Variants in MLLT3 observed in about 807,000 individuals in gnomAD.
MLLT3 encodes the protein MLLT3 super elongation complex subunit.
In MLLT3, 4 loss-of-function variants were observed where a neutral mutation model predicts 53.2. The observed-to-expected ratio is 0.08, with a 90% CI of 0.04 to 0.17. The LOEUF (loss-of-function observed/expected upper bound fraction) is 0.17, where lower values mean the gene tolerates loss of function less well. Among genes scored for constraint, MLLT3 ranks in the 10% least tolerant of loss-of-function variants. The probability of loss-of-function intolerance (pLI) is 1.00; values close to 1 mark genes in which losing one functional copy is unlikely to be tolerated. For synonymous variants in MLLT3, 283 were observed against 230.6 expected (o/e 1.23, Z -2.06); for missense variants, 569 against 684.0 (o/e 0.83, Z 1.87).
intron 5 of MLLT3, among the ~76,000 whole-genome samples, chr9:20,376,924 A>C (rs2118685044): frequency 6.6e-6 from 1 of 152,342 alleles, no homozygotes; most frequent in South Asian, 2.1e-4. Context: ...CTATAAACAC[A>C]GTACTATTTT....
At chr9:20,458,220 C>A (rs1824019488) in intron 2 of MLLT3, among the ~76,000 whole-genome samples, 1 of 152,206 alleles carries the variant, frequency 6.6e-6, no homozygotes, top group African/African-American at 2.4e-5. Flanking sequence ...TGAATCAGTA[C>A]CTTGACACTG....
At chr9:20,426,620 C>T (rs1273940360) in intron 4 of MLLT3, among the ~76,000 whole-genome samples, 1 of 152,026 alleles carries the variant, frequency 6.6e-6, no homozygotes, top group African/African-American at 2.4e-5. Context: ...TTTATGAGGT[C>T]TCCAGCATAC....
intron 5 of MLLT3, among the ~76,000 whole-genome samples, chr9:20,388,446 G>A (rs1194330182): frequency 6.6e-6 from 1 of 152,102 alleles, no homozygotes; most frequent in Admixed American, 6.6e-5. Flanking sequence ...AAATTAGACA[G>A]GCGTGGTGGT....
At chr9:20,469,291 T>C (rs1313272522) in intron 2 of MLLT3, among the ~76,000 whole-genome samples, 2 of 152,112 alleles carry the variant, frequency 1.3e-5, no homozygotes, top group Non-Finnish European at 2.9e-5. Context: ...ATGAGAAATA[T>C]CATGCCTTTA....
At chr9:20,531,280 C>T (rs1186035156) in intron 2 of MLLT3, among the ~76,000 whole-genome samples, 3 of 151,810 alleles carry the variant, frequency 2.0e-5, no homozygotes, top group South Asian at 4.2e-4. Flanking sequence ...TGATTACAGG[C>T]GTATGCCACC....
chr9:20,395,100 C>G (rs1198852468), intron 5 of MLLT3, among the ~76,000 whole-genome samples: 1 of 152,112 alleles, frequency 6.6e-6, no homozygotes, highest in Non-Finnish European at 1.5e-5. Context: ...ACAGATGGAG[C>G]AAATGAATTA....
intron 5 of MLLT3, among the ~76,000 whole-genome samples, chr9:20,368,387 T>C (rs577257700): frequency 1.5e-3 from 227 of 152,306 alleles, no homozygotes; most frequent in African/African-American, 5.0e-3. Flanking sequence ...CTGGAAACCA[T>C]CTGGGAGCCG....
intron 5 of MLLT3, among the ~76,000 whole-genome samples, chr9:20,370,297 A>T (rs545982524): frequency 1.3e-5 from 2 of 152,132 alleles, no homozygotes; most frequent in Non-Finnish European, 2.9e-5. Flanking sequence ...TGATGCTACT[A>T]TTGTAATTGC....
intron 2 of MLLT3, among the ~76,000 whole-genome samples, chr9:20,463,385 A>G (rs990150721): frequency 6.6e-6 from 1 of 152,152 alleles, no homozygotes; most frequent in Non-Finnish European, 1.5e-5. Context: ...GGTTAAGTCA[A>G]TACATTTCAT....
chr9:20,449,173 T>C (rs536878722), intron 3 of MLLT3, among the ~76,000 whole-genome samples: 1 of 152,284 alleles, frequency 6.6e-6, no homozygotes, highest in Non-Finnish European at 1.5e-5. Flanking sequence ...CTTAGAATAA[T>C]TGCCTTCTTA....
chr9:20,442,488 C>T (rs890501552), intron 4 of MLLT3, among the ~76,000 whole-genome samples: 1 of 152,090 alleles, frequency 6.6e-6, no homozygotes, highest in Non-Finnish European at 1.5e-5. Flanking sequence ...GTATATTTAC[C>T]TATTCAAAAA....
intron 3 of MLLT3, among the ~76,000 whole-genome samples, chr9:20,453,588 T>C (rs532807517): frequency 3.3e-4 from 50 of 152,236 alleles, no homozygotes; most frequent in Non-Finnish European, 5.6e-4. Context: ...ACTTTATATA[T>C]GTAAGCTTCT....
At chr9:20,475,459 A>T (rs1441500198) in intron 2 of MLLT3, among the ~76,000 whole-genome samples, 1 of 152,206 alleles carries the variant, frequency 6.6e-6, no homozygotes, top group African/African-American at 2.4e-5. Flanking sequence ...AGAAGGCATA[A>T]ATCAGCTTCA....
intron 2 of MLLT3, among the ~76,000 whole-genome samples, chr9:20,547,409 C>T (rs960856619): frequency 7.3e-5 from 11 of 150,080 alleles, no homozygotes; most frequent in African/African-American, 1.7e-4. Flanking sequence ...TCTGGGAGGC[C>T]GAGGTGGGTG....
intron 2 of MLLT3, among the ~76,000 whole-genome samples, chr9:20,539,439 T>A (rs1028093225): frequency 6.6e-6 from 1 of 152,294 alleles, no homozygotes; most frequent in South Asian, 2.1e-4. Flanking sequence ...CAGTTCCATA[T>A]GGCAGGAGAG....
chr9:20,368,054 C>T (rs138261000), intron 5 of MLLT3, among the ~76,000 whole-genome samples: 5 of 152,326 alleles, frequency 3.3e-5, no homozygotes, highest in East Asian at 3.9e-4. Flanking sequence ...GAGCAGCAGG[C>T]GGCCTACCAA....
Position 20,617,163 on chromosome 9 carries a change from C to G in MLLT3, c.193+3491G>C, listed in dbSNP as rs904695267. Among the ~76,000 whole-genome samples, 48 of 152,132 alleles carry G rather than the reference C, an allele frequency of 3.2e-4. 1 individual carries two copies. Among genetic ancestry groups the G allele is most frequent in the Admixed American group, 2.9e-3 (44 of 15,258 alleles). Reference sequence around the variant, plus strand: ...AACAGTCACTCATCTTCATTTTGTTCCTTATATCTTTTAAATGACTCTGAA... The same window carrying G: ...AACAGTCACTCATCTTCATTTTGTTGCTTATATCTTTTAAATGACTCTGAA... On this transcript the variant is annotated intron_variant, in intron 2 of 10. Transcript: ENST00000380338.
intron 2 of MLLT3, among the ~76,000 whole-genome samples, chr9:20,522,692 T>C (rs1016650089): frequency 2.0e-4 from 30 of 152,222 alleles, no homozygotes; most frequent in African/African-American, 6.5e-4. Context: ...TTTTTCTAAA[T>C]TGCAAGGGAT....
intron 4 of MLLT3, among the ~76,000 whole-genome samples, chr9:20,447,442 T>C (rs892433369): frequency 3.3e-5 from 5 of 152,204 alleles, no homozygotes; most frequent in Non-Finnish European, 7.3e-5. Context: ...GTGACACTCA[T>C]TGTCAAATAG....
Sources: gnomAD v4.1 joint callset for allele counts (sites outside exome capture counted in the v4.1 genomes callset) on GRCh38, gnomAD v4.1.1 for gene constraint, MANE v1.5 for transcripts, NCBI Gene and HGNC (gene_info 2026-07-23, HGNC 2026-07-21) for gene names.